Variants in AKAP17A observed in about 807,000 individuals in gnomAD.
The protein encoded by AKAP17A is A-kinase anchoring protein 17A.
A neutral mutation model predicts 52.2 loss-of-function variants in AKAP17A; 15 were observed. The ratio of observed to expected loss-of-function variants is 0.29; its 90% CI spans 0.19 to 0.44. The LOEUF is 0.44. Ranked by LOEUF, AKAP17A falls within the 20% of genes least tolerant of loss-of-function variation. The probability of loss-of-function intolerance (pLI) is 1.00; values close to 1 mark genes in which losing one functional copy is unlikely to be tolerated. For synonymous variants in AKAP17A, 514 were observed against 424.7 expected, an observed-to-expected ratio of 1.21 and a Z score of -2.58; for missense variants, 1,060 against 1,007.0, an observed-to-expected ratio of 1.05 and a Z score of -0.71.
chrX:1,596,435 TCC>T (rs1569350643), intron 3 of AKAP17A, among the ~76,000 whole-genome samples: 169 of 110,912 alleles, frequency 1.5e-3, no homozygotes, highest in Non-Finnish European at 3.0e-3. Context: ...ATCCTCCTCC[TCC>T]TCCTCCTCCT....
In AKAP17A at chrX:1,599,428, C is replaced by T. The variant is rs1933222405; in HGVS notation, c.1148C>T (p.Ala383Val). The change falls in exon 4 of 5, where the codon GCC (alanine) becomes GTC (valine). Residue 383 changes from alanine to valine, a missense_variant. Physicochemically the swap from Ala to Val is moderately conservative, Grantham distance 64 (BLOSUM62 0). Transcript: ENST00000313871. The stretch of plus-strand genomic sequence containing the variant: ...CTCATCGCCGAGCTGCTCAGCAGAG[C>T]CAAGGTACCCGGGGGCTCCCTCTGC... ...IRLIAELLSRAKAVKLREQEQ... is the reference protein window; with the variant it reads ...IRLIAELLSRVKAVKLREQEQ... 3 of 1,561,116 alleles carry T rather than the reference C, an allele frequency of 1.9e-6. No homozygotes were observed. Among genetic ancestry groups the T allele is most frequent in the Non-Finnish European group, 2.6e-6 (3 of 1,153,828 alleles).
intron 3 of AKAP17A, among the ~76,000 whole-genome samples, chrX:1,595,880 A>G (rs1199644545): frequency 6.6e-6 from 1 of 151,920 alleles, no homozygotes; most frequent in Non-Finnish European, 1.5e-5. Flanking sequence ...GCCTGTGTGC[A>G]TGCGTGTGTG....
In AKAP17A at chrX:1,600,441, G is replaced by T; in HGVS notation, c.1153-218G>T. 3 of 637,774 alleles carry T rather than the reference G, an allele frequency of 4.7e-6. No homozygotes were observed. The South Asian group carries it at 5.9e-5, about 13-fold the overall frequency. The allele number at this position is 637,774 out of a possible 1,614,324, so 39.5% of individuals were successfully genotyped here. A position where few individuals can be genotyped will look rare whatever the true frequency, so the allele number is the denominator to read the frequency against. ...CAAGGGGTTTCCTTCTCACTCAGACGCATGATGGCCCCAGGTGTGGCCGCG... is the reference window on the plus strand; with the variant it reads ...CAAGGGGTTTCCTTCTCACTCAGACTCATGATGGCCCCAGGTGTGGCCGCG... On this transcript the variant is annotated intron_variant, in intron 4 of 4. Transcript: ENST00000313871.
intron 4 of AKAP17A, 69 bp downstream of exon 4, chrX:1,599,501 C>G: frequency 6.5e-7 from 1 of 1,547,738 alleles, no homozygotes; most frequent in South Asian, 1.2e-5. Context: ...CCCTGAAATG[C>G]GGGCGGCGTC....
chrX:1,600,259 C>T (rs1292344858), intron 4 of AKAP17A: 44 of 1,226,648 alleles, frequency 3.6e-5, no homozygotes, highest in East Asian at 2.7e-4. Context: ...CCCGCAGCTA[C>T]GGCGGTGGCA....
intron 3 of AKAP17A, among the ~76,000 whole-genome samples, chrX:1,597,008 C>T (rs1250679487): frequency 1.1e-4 from 16 of 152,356 alleles, no homozygotes; most frequent in African/African-American, 2.9e-4. Flanking sequence ...TGTTGCGCTT[C>T]ATGTCGCCGA....
chrX:1,601,513 G>C lies in AKAP17A; in HGVS notation c.2007G>C (p.Arg669Ser), dbSNP rs749983094. The C allele has an allele frequency of 1.2e-5, 18 of 1,515,500 alleles. No homozygotes were observed. The highest frequency in any genetic ancestry group is 1.6e-5 in the Non-Finnish European group (18 of 1,142,784). 93.9% of individuals were successfully genotyped at this position (1,515,500 alleles called of 1,614,324 possible). Residue 669 changes from arginine (R) to serine (S), a missense_variant, in exon 5 of 5, where the codon AGG becomes AGC. This residue lies in a region of AKAP17A where 793 missense variants were observed against 629.9 expected (regional missense o/e 1.26). Coordinates refer to ENST00000313871, the MANE Select transcript of AKAP17A (RefSeq NM_005088.3). ...RSRERRGSASRKHSRHRRRSE... is the reference protein window; with the variant it reads ...RSRERRGSASSKHSRHRRRSE... ...GGGAGCGGAGGGGCAGCGCCAGCAGGAAGCACAGCCGCCACCGCCGCCGAA... is the reference window on the plus strand; with the variant it reads ...GGGAGCGGAGGGGCAGCGCCAGCAGCAAGCACAGCCGCCACCGCCGCCGAA...
chrX:1,598,831 C>T (rs1933174814), intron 3 of AKAP17A, among the ~76,000 whole-genome samples: 1 of 152,202 alleles, frequency 6.6e-6, no homozygotes, highest in Admixed American at 6.5e-5. Context: ...CTGTGCATCC[C>T]GGGGCCTTGT....
intron 4 of AKAP17A, 136 bp from the exon 5 acceptor site, chrX:1,600,523 C>A: frequency 1.1e-6 from 1 of 938,444 alleles, no homozygotes; most frequent in Non-Finnish European, 1.5e-6. Context: ...CCCCCCACCC[C>A]TGGGCTGGAG....
At chrX:1,597,630 A>G (rs1933077352) in intron 3 of AKAP17A, among the ~76,000 whole-genome samples, 1 of 150,650 alleles carries the variant, frequency 6.6e-6, no homozygotes, top group Admixed American at 6.6e-5. Flanking sequence ...GGAAGTGTGG[A>G]GTGGGACTCA....
At position 1,600,817 on chromosome X, in the gene AKAP17A, G is replaced by A. The variant is rs202029872; in HGVS notation, c.1311G>A (p.Arg437=). 12 of 1,592,444 alleles carry A rather than the reference G, an allele frequency of 7.5e-6. No homozygotes were observed. Among genetic ancestry groups the A allele is most frequent in the Non-Finnish European group, 8.5e-7 (1 of 1,174,008 alleles). ...LQRKERELRE[R]LLSILLSKKP... ...GGAAAGAGCGGGAGCTGCGCGAGCG[G>A]CTGCTGAGCATCCTGCTGAGCAAGA... Residue 437 remains arginine (R), a synonymous_variant, in exon 5 of 5, where the codon CGG becomes CGA. Transcript: ENST00000313871.
Position 1,601,207 on chromosome X carries a change from C to G in AKAP17A, c.1701C>G (p.Val567=). The G allele has an allele frequency of 6.2e-7, 1 of 1,613,944 alleles. No individual in the cohort carries two copies. The highest frequency in any genetic ancestry group is 8.5e-7 in the Non-Finnish European group (1 of 1,179,820). ...GCATCCCTGCCTGCGAGCAGAATGTCTCCAGAAAGGACACCCGGTCAGAAC... is the reference window on the plus strand; with the variant it reads ...GCATCCCTGCCTGCGAGCAGAATGTGTCCAGAAAGGACACCCGGTCAGAAC... The part of the protein sequence containing the change: ...PKGIPACEQN[V]SRKDTRSEQD... The change falls in exon 5 of 5, where the codon GTC becomes GTG. Residue 567 remains valine, a synonymous_variant. Transcript: ENST00000313871.
At chrX:1,595,346 T>G (rs1479179663) in intron 2 of AKAP17A, 38 bp from the exon 3 acceptor site, 1 of 1,611,756 alleles carries the variant, frequency 6.2e-7, no homozygotes, top group Non-Finnish European at 8.5e-7. Context: ...TGGGGGGTTT[T>G]GGGGGAAGGC....
chrX:1,592,598 C>T (rs1258178235), intron 1 of AKAP17A, among the ~76,000 whole-genome samples: 7 of 152,052 alleles, frequency 4.6e-5, no homozygotes, highest in African/African-American at 1.7e-4. Flanking sequence ...CCTCCCACCT[C>T]GGGCTTGGGC....
chrX:1,595,558 G>T, intron 3 of AKAP17A, 26 bp downstream of exon 3: 1 of 1,612,826 alleles, frequency 6.2e-7, no homozygotes. Context: ...GCGGGCCCTC[G>T]GCGCTGGTGT....
At chrX:1,597,352 G>A (rs189290617) in intron 3 of AKAP17A, among the ~76,000 whole-genome samples, 9 of 152,324 alleles carry the variant, frequency 5.9e-5, no homozygotes, top group Non-Finnish European at 1.0e-4. Context: ...GGGGGCCCAT[G>A]TCAGCCGTCA....
intron 3 of AKAP17A, among the ~76,000 whole-genome samples, chrX:1,598,780 A>C (rs1307660592): frequency 6.6e-6 from 1 of 152,216 alleles, no homozygotes. Context: ...GGAGTCACCC[A>C]GCGCGGTTCC....
At position 1,599,327 on chromosome X, in the gene AKAP17A, G is replaced by A. The variant is rs779636447; in HGVS notation, c.1047G>A (p.Gln349=). 4 of 1,605,384 alleles carry A rather than the reference G, an allele frequency of 2.5e-6. No individual in the cohort carries two copies. The highest frequency in any genetic ancestry group is 3.4e-6 in the Non-Finnish European group (4 of 1,176,690). ...TGGAGAAGCTGCAGGCGGAGGAGCAGAAGCAGCTGCAGGAGAAGATCAAGC... is the reference window on the plus strand; with the variant it reads ...TGGAGAAGCTGCAGGCGGAGGAGCAAAAGCAGCTGCAGGAGAAGATCAAGC... The part of the protein sequence containing the change: ...KKLEKLQAEE[Q]KQLQEKIKLE... Residue 349 remains glutamine (Q), a synonymous_variant, in exon 4 of 5, where the codon CAG becomes CAA. Transcript: ENST00000313871.
chrX:1,598,255 G>T (rs1471026410), intron 3 of AKAP17A, among the ~76,000 whole-genome samples: 1 of 152,174 alleles, frequency 6.6e-6, no homozygotes, highest in African/African-American at 2.4e-5. Flanking sequence ...TGCATGCCCC[G>T]CCCGGAGACC....
Sources: allele counts gnomAD v4.1 joint callset (sites outside exome capture counted in the v4.1 genomes callset), GRCh38; gene constraint gnomAD v4.1.1; regional missense constraint gnomAD v4.1.1; transcripts MANE v1.5; gene names NCBI Gene and HGNC (gene_info 2026-07-23, HGNC 2026-07-21).